Variants in NAALADL2 observed in about 807,000 individuals in gnomAD.
NAALADL2 encodes N-acetylated alpha-linked acidic dipeptidase like 2, also known as inactive N-acetylated-alpha-linked acidic dipeptidase-like protein 2.
NAALADL2 carries 76 observed loss-of-function variants against 87.2 expected under a neutral mutation model. That is an observed-to-expected ratio of 0.87 (90% CI 0.72 to 1.05). NAALADL2 has a LOEUF of 1.05. Ranked by LOEUF, NAALADL2 falls within the 50% of genes least tolerant of loss-of-function variation. The probability of loss-of-function intolerance (pLI) is 0.00; values close to 1 mark genes in which losing one functional copy is unlikely to be tolerated. For missense variants in NAALADL2, 1,089 were observed against 945.8 expected, an observed-to-expected ratio of 1.15 and a Z score of -1.99; for synonymous variants, 354 against 331.0, an observed-to-expected ratio of 1.07 and a Z score of -0.75.
chr3:175,368,464 C>A (rs185647778), intron 5 of NAALADL2, among the ~76,000 whole-genome samples: 1 of 151,918 alleles, frequency 6.6e-6, no homozygotes, highest in Non-Finnish European at 1.5e-5. Flanking sequence ...TGGTAGAATT[C>A]GGCTGTGAAT....
rs1433503346 is a variant in NAALADL2 at position 175,316,319 on chromosome 3, C to T, written c.940-7856C>T. On this transcript the variant is annotated intron_variant, in intron 4 of 13. Transcript: ENST00000454872. ...TGTGCACGGTATTCCCTCTTTTGCC[C>T]ACCCTCATCTACATTTTCTCTGACT... Among the ~76,000 whole-genome samples the T allele has an allele frequency of 2.0e-5, 3 of 152,100 alleles. No individual in the cohort carries two copies. The East Asian group carries it at 5.8e-4, about 29-fold the overall frequency.
At chr3:175,143,330 G>A (rs1730287783) in intron 2 of NAALADL2, among the ~76,000 whole-genome samples, 1 of 151,790 alleles carries the variant, frequency 6.6e-6, no homozygotes, top group African/African-American at 2.4e-5. Flanking sequence ...TATATGCTAG[G>A]CAAAGTAATG....
chr3:174,718,792 G>A (rs943768402), intron 2 of NAALADL2, among the ~76,000 whole-genome samples: 2 of 152,190 alleles, frequency 1.3e-5, no homozygotes, highest in African/African-American at 2.4e-5. Flanking sequence ...CCCTTTAGTC[G>A]GCACAAATAT....
At chr3:175,189,900 T>C (rs556179350) in intron 2 of NAALADL2, among the ~76,000 whole-genome samples, 1 of 152,200 alleles carries the variant, frequency 6.6e-6, no homozygotes, top group South Asian at 2.1e-4. Flanking sequence ...TGAAACAAAA[T>C]AGACAGTCCA....
chr3:174,476,912 T>C (rs1011540043), intron 1 of NAALADL2, among the ~76,000 whole-genome samples: 6 of 152,062 alleles, frequency 3.9e-5, no homozygotes, highest in African/African-American at 1.4e-4. Context: ...AAACTCTAAA[T>C]ATCTAAGGGA....
Position 175,177,819 on chromosome 3 carries a change from C to T in NAALADL2, c.546-56112C>T, listed in dbSNP as rs1385899063. On this transcript the variant is annotated intron_variant, in intron 2 of 13. Transcript: ENST00000454872. ...AGCACGAATAAGTGAGGTGATTTGCCCAGTGAGGTAGGGTACAGTGTGTGT... is the reference window on the plus strand; with the variant it reads ...AGCACGAATAAGTGAGGTGATTTGCTCAGTGAGGTAGGGTACAGTGTGTGT... Among the ~76,000 whole-genome samples, 5 of 144,454 alleles carry T rather than the reference C, an allele frequency of 3.5e-5. No homozygotes were observed. In the South Asian group the frequency reaches 1.2e-3, roughly 34 times the overall value. The allele number at this position is 144,454 out of a possible 152,430, so 94.8% of individuals were successfully genotyped here. A position where few individuals can be genotyped will look rare whatever the true frequency, so the allele number is the denominator to read the frequency against.
intron 3 of NAALADL2, among the ~76,000 whole-genome samples, chr3:174,761,040 T>C (rs1171340503): frequency 1.3e-5 from 2 of 152,346 alleles, no homozygotes; most frequent in Non-Finnish European, 1.5e-5. Flanking sequence ...ACTTTCTCTT[T>C]GCAACCTCAG....
At position 175,805,146 on chromosome 3, in the gene NAALADL2, T is replaced by G. The variant is rs1034707291; in HGVS notation, c.*1943T>G. 2.0e-5 allele frequency: 3 copies of G among 151,902 alleles called. No individual in the cohort carries two copies. Among genetic ancestry groups the G allele is most frequent in the African/African-American group, 7.2e-5 (3 of 41,404 alleles). 9.4% of individuals were successfully genotyped at this position (151,902 alleles called of 1,614,324 possible). ...ATTTAACCAAAGGTTGATGTGTTCATTCCAGTTATTCACTTACAGATGAAA... is the reference window on the plus strand; with the variant it reads ...ATTTAACCAAAGGTTGATGTGTTCAGTCCAGTTATTCACTTACAGATGAAA... On this transcript the variant is annotated 3_prime_UTR_variant, in exon 14 of 14. Coordinates refer to ENST00000454872, the MANE Select transcript of NAALADL2 (RefSeq NM_207015.3).
rs185426005 is a variant in NAALADL2 at position 175,655,945 on chromosome 3, G to T, written c.1896+28559G>T. On this transcript the variant is annotated intron_variant, in intron 11 of 13. Transcript: ENST00000454872. ...CATGGCTTGCTGCTAGCATTTTTAT[G>T]TCAGTTGGAAGAGACTGTAGAAATT... is the stretch of plus-strand genomic sequence containing the variant. Among the ~76,000 whole-genome samples the T allele has an allele frequency of 2.7e-3, 411 of 152,212 alleles. 2 individuals carry two copies. Among genetic ancestry groups the T allele is most frequent in the Middle Eastern group, 0.017 (5 of 292 alleles).
chr3:175,775,823 A>C (rs1056518636), intron 13 of NAALADL2, among the ~76,000 whole-genome samples: 1 of 152,144 alleles, frequency 6.6e-6, no homozygotes, highest in Non-Finnish European at 1.5e-5. Flanking sequence ...CTGGGCTAGA[A>C]GAGTTGTAGC....
chr3:174,882,908 T>C (rs73045455), intron 1 of NAALADL2, among the ~76,000 whole-genome samples: 3,611 of 150,456 alleles, frequency 0.024, 134 homozygotes, highest in African/African-American at 0.077. Context: ...TATGTGTATA[T>C]ATATGTTTGT....
intron 1 of NAALADL2, among the ~76,000 whole-genome samples, chr3:174,914,721 G>C (rs938602618): frequency 6.6e-6 from 1 of 152,026 alleles, no homozygotes; most frequent in Non-Finnish European, 1.5e-5. Context: ...AACCTCAAAA[G>C]ACATTGTAAT....
At chr3:174,986,944 T>C (rs1478939280) in intron 1 of NAALADL2, among the ~76,000 whole-genome samples, 3 of 152,120 alleles carry the variant, frequency 2.0e-5, no homozygotes, top group African/African-American at 7.2e-5. Context: ...GAGTTGGCAG[T>C]TTTTTAATGC....
At chr3:175,605,827 T>A (rs116491554) in intron 10 of NAALADL2, among the ~76,000 whole-genome samples, 1,673 of 152,264 alleles carry the variant, frequency 0.011, 29 homozygotes, top group African/African-American at 0.038. Flanking sequence ...TCTGTGCTAA[T>A]TCATAAATTA....
At chr3:175,585,607 A>G (rs1720432870) in intron 10 of NAALADL2, among the ~76,000 whole-genome samples, 1 of 152,194 alleles carries the variant, frequency 6.6e-6, no homozygotes, top group Non-Finnish European at 1.5e-5. Flanking sequence ...CAGAGCCTAT[A>G]ACTAGATTCT....
At chr3:175,216,662 T>TC (rs1363659592) in intron 2 of NAALADL2, among the ~76,000 whole-genome samples, 3 of 120,200 alleles carry the variant, frequency 2.5e-5, no homozygotes, top group African/African-American at 1.0e-4. Flanking sequence ...TCTTTTTTTT[T>TC]CTTTTCTTTT....
intron 12 of NAALADL2, among the ~76,000 whole-genome samples, chr3:175,743,781 TAGAA>T (rs1438274906): frequency 1.3e-5 from 2 of 152,158 alleles, no homozygotes; most frequent in Admixed American, 6.5e-5. Context: ...AACGAGATCA[TAGAA>T]AGAGTGCAGA....
At chr3:175,033,409 T>A (rs1366147179) in intron 1 of NAALADL2, among the ~76,000 whole-genome samples, 1 of 152,078 alleles carries the variant, frequency 6.6e-6, no homozygotes, top group East Asian at 1.9e-4. Flanking sequence ...ACTATTCTGT[T>A]TTTTGCTCAT....
chr3:175,289,354 A>G (rs888861645), intron 4 of NAALADL2, among the ~76,000 whole-genome samples: 4 of 152,252 alleles, frequency 2.6e-5, no homozygotes, highest in East Asian at 3.9e-4. Context: ...TAGTACTAGT[A>G]TAAGTACAAT....
Sources: allele counts gnomAD v4.1 joint callset (sites outside exome capture counted in the v4.1 genomes callset), GRCh38; gene constraint gnomAD v4.1.1; transcripts MANE v1.5; gene names NCBI Gene and HGNC (gene_info 2026-07-23, HGNC 2026-07-21).